The following MEI4 variants were observed in gnomAD, a reference collection of about 807,000 sequenced individuals.
The protein encoded by MEI4 is meiotic double-stranded break formation protein 4.
Under a neutral mutation model 31.4 loss-of-function variants are expected in MEI4, and 27 were observed. The ratio of observed to expected loss-of-function variants is 0.86; its 90% CI spans 0.63 to 1.19. The LOEUF is 1.19. Among genes scored for constraint, MEI4 ranks in the 50% most tolerant of loss-of-function variants. The pLI is 0.00. For synonymous variants in MEI4, 122 were observed against 145.4 expected, an observed-to-expected ratio of 0.84 and a Z score of 1.16; for missense variants, 329 against 398.9, an observed-to-expected ratio of 0.82 and a Z score of 1.49.
At chr6:77,784,688 T>C (rs1311119882) in intron 3 of MEI4, among the ~76,000 whole-genome samples, 1 of 152,156 alleles carries the variant, frequency 6.6e-6, no homozygotes. Flanking sequence ...TGTTAAGTAA[T>C]AGCAAATGAC....
chr6:77,874,608 G>A (rs1273396306), intron 4 of MEI4, among the ~76,000 whole-genome samples: 1 of 151,998 alleles, frequency 6.6e-6, no homozygotes, highest in Admixed American at 6.6e-5. Flanking sequence ...TCCTTCTCCT[G>A]CCTAATTGCC....
intron 4 of MEI4, among the ~76,000 whole-genome samples, chr6:77,875,086 C>A (rs906364726): frequency 1.4e-4 from 22 of 152,058 alleles, no homozygotes; most frequent in Non-Finnish European, 2.5e-4. Context: ...CTGGATTGCT[C>A]TTCCTGCTTC....
intron 2 of MEI4, among the ~76,000 whole-genome samples, chr6:77,754,077 A>T (rs1455668532): frequency 6.6e-6 from 1 of 151,982 alleles, no homozygotes; most frequent in Non-Finnish European, 1.5e-5. Flanking sequence ...AGGGAGGGGA[A>T]CATCACACAC....
Position 77,724,949 on chromosome 6 carries a change from A to C in MEI4, c.232+34046A>C, listed in dbSNP as rs529409267. Among the ~76,000 whole-genome samples, 9 of 144,460 alleles carry C rather than the reference A, an allele frequency of 6.2e-5. 1 individual carries two copies. Among genetic ancestry groups the C allele is most frequent in the African/African-American group, 1.0e-4 (4 of 38,848 alleles). The allele number at this position is 144,460 out of a possible 152,430, so 94.8% of individuals were successfully genotyped here. A position where few individuals can be genotyped will look rare whatever the true frequency, so the allele number is the denominator to read the frequency against. ...CTATTATACCGCTTCCAGGGGCATC[A>C]GAAACTGAAATACTATCTTCTTCTG... is the stretch of plus-strand genomic sequence containing the variant. On this transcript the variant is annotated intron_variant, in intron 2 of 4. Transcript: ENST00000684080.
intron 4 of MEI4, among the ~76,000 whole-genome samples, chr6:77,848,364 C>T (rs1366619729): frequency 6.6e-6 from 1 of 152,060 alleles, no homozygotes; most frequent in Non-Finnish European, 1.5e-5. Flanking sequence ...TTCCACAGGG[C>T]AAGGGAATCA....
At position 77,787,927 on chromosome 6, in the gene MEI4, G is replaced by T. The variant is rs563647812; in HGVS notation, c.768+26262G>T. Among the ~76,000 whole-genome samples, 211 of 152,190 alleles carry T rather than the reference G, an allele frequency of 1.4e-3. 1 individual carries two copies. Among genetic ancestry groups the T allele is most frequent in the African/African-American group, 4.5e-3 (185 of 41,538 alleles). On this transcript the variant is annotated intron_variant, in intron 3 of 4. Transcript: ENST00000684080. ...TGGTTTGCCAATATTGAGGATTTTT[G>T]CATCGATGTTCATCAGGGATATTGG...
chr6:77,746,078 A>G (rs1228988668), intron 2 of MEI4, among the ~76,000 whole-genome samples: 10 of 152,328 alleles, frequency 6.6e-5, no homozygotes, highest in Non-Finnish European at 2.9e-5. Flanking sequence ...AGCAAGAGCA[A>G]ACGTATTCAA....
At chr6:77,892,758 T>G (rs1765992233) in intron 4 of MEI4, among the ~76,000 whole-genome samples, 1 of 152,074 alleles carries the variant, frequency 6.6e-6, no homozygotes, top group African/African-American at 2.4e-5. Context: ...AAATGTAGGA[T>G]GATGTCAGTA....
At chr6:77,714,260 G>A (rs974749235) in intron 2 of MEI4, among the ~76,000 whole-genome samples, 1 of 151,334 alleles carries the variant, frequency 6.6e-6, no homozygotes, top group African/African-American at 2.4e-5. Flanking sequence ...AAACAGAAAA[G>A]TAAAGCAAAC....
chr6:77,709,816 T>C (rs1031203554), intron 2 of MEI4, among the ~76,000 whole-genome samples: 1 of 152,236 alleles, frequency 6.6e-6, no homozygotes, highest in Non-Finnish European at 1.5e-5. Flanking sequence ...TAACTGTGCT[T>C]TTAATAACTC....
At chr6:77,791,510 A>G (rs1381526086) in intron 3 of MEI4, among the ~76,000 whole-genome samples, 1 of 126,424 alleles carries the variant, frequency 7.9e-6, no homozygotes, top group Non-Finnish European at 1.6e-5. Flanking sequence ...GAAGGGGAAT[A>G]TCACACTCTG....
chr6:77,692,787 G>C (rs1056638090), intron 2 of MEI4, among the ~76,000 whole-genome samples: 1 of 152,022 alleles, frequency 6.6e-6, no homozygotes, highest in Non-Finnish European at 1.5e-5. Context: ...AAAAGGTTGA[G>C]CCCAAGTTTC....
chr6:77,680,036 GCC>G (rs781134881), intron 1 of MEI4, among the ~76,000 whole-genome samples: 3 of 148,898 alleles, frequency 2.0e-5, no homozygotes, highest in Non-Finnish European at 3.0e-5. Flanking sequence ...ACCGTGTCCA[GCC>G]ATGAGTGTTG....
At position 77,924,345 on chromosome 6, in the gene MEI4, C is replaced by G. The variant is rs891128054; in HGVS notation, c.*999C>G. 1 of 151,802 alleles carries G rather than the reference C, an allele frequency of 6.6e-6. No individual in the cohort carries two copies. The highest frequency in any genetic ancestry group is 2.4e-5 in the African/African-American group (1 of 41,386). The allele number at this position is 151,802 out of a possible 1,614,324, so 9.4% of individuals were successfully genotyped here. On this transcript the variant is annotated 3_prime_UTR_variant, in exon 5 of 5. Transcript: ENST00000684080. ...GATAATTCCATCTACAATGTATATA[C>G]AATTATGTCATCTGGCACAAACAAT...
At chr6:77,898,183 A>G (rs1249046872) in intron 4 of MEI4, among the ~76,000 whole-genome samples, 3 of 152,006 alleles carry the variant, frequency 2.0e-5, no homozygotes, top group African/African-American at 7.2e-5. Context: ...CCTATGCTTC[A>G]GAAGTTTCAA....
intron 3 of MEI4, among the ~76,000 whole-genome samples, chr6:77,790,219 G>A (rs556943160): frequency 9.9e-5 from 14 of 141,480 alleles, no homozygotes; most frequent in Non-Finnish European, 1.8e-4. Flanking sequence ...ACATGGACAC[G>A]GCAAGTGGAA....
rs190675674 is a variant in MEI4, at chr6:77,847,192, T to C, written c.900+18130T>C. ...TCTCTCAATGTTCTGAAATGGTGTG[T>C]ATGGAGCCAGTATATACAGAACAAA... On this transcript the variant is annotated intron_variant, in intron 4 of 4. Coordinates refer to ENST00000684080, the MANE Select transcript of MEI4 (RefSeq NM_001322247.2). This position sits in a 1 kb window ranked among gnomAD's most constrained non-coding sequence, Gnocchi z 4.6. Among the ~76,000 whole-genome samples, 314 of 152,296 alleles carry C rather than the reference T, an allele frequency of 2.1e-3. 3 individuals are homozygous for C. Among genetic ancestry groups the C allele is most frequent in the African/African-American group, 6.6e-3 (276 of 41,572 alleles).
intron 3 of MEI4, among the ~76,000 whole-genome samples, chr6:77,815,889 GA>G (rs1209976307): frequency 1.9e-4 from 27 of 139,972 alleles, no homozygotes; most frequent in East Asian, 1.2e-3. Context: ...CTTAGACCAA[GA>G]AAAAAAAAAA....
chr6:77,805,539 T>G (rs1582167739), intron 3 of MEI4, among the ~76,000 whole-genome samples: 1 of 152,162 alleles, frequency 6.6e-6, no homozygotes, highest in Non-Finnish European at 1.5e-5. Flanking sequence ...TTCTATTCAA[T>G]TTAAATAGTA....
Sources: allele counts gnomAD v4.1 joint callset (sites outside exome capture counted in the v4.1 genomes callset), GRCh38; gene constraint gnomAD v4.1.1; non-coding constraint Gnocchi (gnomAD v3.1); transcripts MANE v1.5; gene names NCBI Gene and HGNC (gene_info 2026-07-23, HGNC 2026-07-21).